Variants in CSMD1 observed in about 807,000 individuals in gnomAD.
The protein encoded by CSMD1 is CUB and sushi domain-containing protein 1.
Under a neutral mutation model 417.5 loss-of-function variants are expected in CSMD1, and 213 were observed. The ratio of observed to expected loss-of-function variants is 0.51; its 90% CI spans 0.46 to 0.57. CSMD1 has a LOEUF of 0.57. CSMD1 is among the 20% of genes least tolerant of loss of function. The pLI, the probability that CSMD1 is intolerant of heterozygous loss-of-function variation, is 0.00. For missense variants in CSMD1, 6,923 were observed against 4,529.7 expected (o/e 1.53, Z -15.17); for synonymous variants, 2,862 against 1,736.8 (o/e 1.65, Z -16.11).
chr8:4,808,186 T>C (rs547088485), intron 1 of CSMD1, among the ~76,000 whole-genome samples: 41 of 152,302 alleles, frequency 2.7e-4, no homozygotes, highest in African/African-American at 8.4e-4. Flanking sequence ...GGCAGGCAGA[T>C]TGGTTTCATT....
intron 47 of CSMD1, among the ~76,000 whole-genome samples, chr8:3,095,094 A>G (rs1237599137): frequency 6.6e-6 from 1 of 152,198 alleles, no homozygotes; most frequent in African/African-American, 2.4e-5. Context: ...TTATTGATAA[A>G]TAATTTGCTC....
intron 3 of CSMD1, among the ~76,000 whole-genome samples, chr8:4,177,281 C>G (rs528827096): frequency 2.0e-5 from 3 of 152,204 alleles, no homozygotes; most frequent in African/African-American, 4.8e-5. Context: ...GAAACTCACT[C>G]AAAACCGCTC....
At chr8:4,668,874 A>C (rs1805118571) in intron 1 of CSMD1, among the ~76,000 whole-genome samples, 1 of 151,996 alleles carries the variant, frequency 6.6e-6, no homozygotes, top group African/African-American at 2.4e-5. Flanking sequence ...TTTTCTATTA[A>C]ATTCAGGTTG....
At chr8:3,770,932 T>A (rs1798535071) in intron 5 of CSMD1, among the ~76,000 whole-genome samples, 1 of 152,146 alleles carries the variant, frequency 6.6e-6, no homozygotes. Context: ...GCTTGGTGAA[T>A]CTCCGAATTC....
At chr8:3,864,697 G>C (rs1243774465) in intron 5 of CSMD1, among the ~76,000 whole-genome samples, 1 of 151,936 alleles carries the variant, frequency 6.6e-6, no homozygotes, top group Non-Finnish European at 1.5e-5. Context: ...GTGCCCTACT[G>C]GGAGGTTGGA....
At chr8:4,428,292 G>C (rs1797680039) in intron 2 of CSMD1, among the ~76,000 whole-genome samples, 1 of 152,172 alleles carries the variant, frequency 6.6e-6, no homozygotes, top group Non-Finnish European at 1.5e-5. Context: ...CTTGTACCAA[G>C]ACAACTACTT....
chr8:3,201,458 T>C (rs940803704), intron 32 of CSMD1, among the ~76,000 whole-genome samples, 154 bp downstream of exon 32: 1 of 152,198 alleles, frequency 6.6e-6, no homozygotes, highest in Non-Finnish European at 1.5e-5. Context: ...TTTGAGATCT[T>C]ATATCTAAAA....
intron 18 of CSMD1, among the ~76,000 whole-genome samples, chr8:3,375,771 C>G (rs1233721764): frequency 6.6e-6 from 1 of 152,142 alleles, no homozygotes; most frequent in Non-Finnish European, 1.5e-5. Flanking sequence ...GACACTGCAG[C>G]ATGAATCTCT....
intron 12 of CSMD1, among the ~76,000 whole-genome samples, chr8:3,444,151 T>C (rs115139552): frequency 3.2e-4 from 49 of 152,292 alleles, no homozygotes; most frequent in African/African-American, 9.6e-4. Context: ...CAGTGATTAA[T>C]ATTGTAAGTG....
intron 1 of CSMD1, among the ~76,000 whole-genome samples, chr8:4,842,609 G>T (rs932643343): frequency 2.0e-5 from 3 of 152,182 alleles, no homozygotes; most frequent in African/African-American, 7.2e-5. Context: ...AGGGAACCCG[G>T]GTGCCTATGT....
At chr8:3,903,149 G>C (rs1807872778) in intron 5 of CSMD1, among the ~76,000 whole-genome samples, 1 of 152,094 alleles carries the variant, frequency 6.6e-6, no homozygotes, top group South Asian at 2.1e-4. Context: ...ACCTGTATGA[G>C]CTCTGCATTC....
At chr8:4,025,173 T>C (rs1796998568) in intron 4 of CSMD1, among the ~76,000 whole-genome samples, 1 of 152,218 alleles carries the variant, frequency 6.6e-6, no homozygotes, top group Non-Finnish European at 1.5e-5. Flanking sequence ...TGTGAAGAAA[T>C]GCACCCCCTC....
At chr8:4,947,361 C>G (rs916947302) in intron 1 of CSMD1, among the ~76,000 whole-genome samples, 1 of 152,112 alleles carries the variant, frequency 6.6e-6, no homozygotes. Context: ...ACCAAATTCT[C>G]AGCACTAATT....
chr8:4,788,799 T>A (rs1182726047), intron 1 of CSMD1, among the ~76,000 whole-genome samples: 1 of 152,164 alleles, frequency 6.6e-6, no homozygotes, highest in Non-Finnish European at 1.5e-5. Flanking sequence ...TAACTTAACA[T>A]GACATCTGCT....
rs1554430766 is a variant in CSMD1 at position 3,772,337 on chromosome 8, A to ATACATATG, written c.819-18296_819-18295insCATATGTA. On this transcript the variant is annotated intron_variant, in intron 5 of 69. Transcript: ENST00000635120. ...CATACATATGTACATATATTTAGACATACATATATACATATATTTATATAT... is the reference window on the plus strand; with the variant it reads ...CATACATATGTACATATATTTAGACATACATATGTACATATATACATATATTTATATAT... Among the ~76,000 whole-genome samples the ATACATATG allele has an allele frequency of 5.7e-5, 5 of 88,072 alleles. 1 individual carries two copies. The highest frequency in any genetic ancestry group is 6.7e-4 in the South Asian group (2 of 2,988). 57.8% of individuals were successfully genotyped at this position (88,072 alleles called of 152,430 possible).
chr8:4,085,526 C>G lies in CSMD1; in HGVS notation c.416-53427G>C, dbSNP rs1337600891. On this transcript the variant is annotated intron_variant, in intron 3 of 69. Coordinates refer to ENST00000635120, the MANE Select transcript of CSMD1 (RefSeq NM_033225.6). ...TTTCCTAATATAAATTTTATCCTAT[C>G]CGTTCTTTGTAACCCTAATAAGCTG... Among the ~76,000 whole-genome samples the G allele has an allele frequency of 3.9e-5, 6 of 152,234 alleles. No homozygotes were observed. The East Asian group carries it at 5.8e-4, about 15-fold the overall frequency.
intron 3 of CSMD1, among the ~76,000 whole-genome samples, chr8:4,053,792 G>C (rs916640160): frequency 6.6e-6 from 1 of 152,026 alleles, no homozygotes; most frequent in Non-Finnish European, 1.5e-5. Flanking sequence ...GAATAAACCA[G>C]TATGTTTAAA....
intron 10 of CSMD1, among the ~76,000 whole-genome samples, chr8:3,505,905 G>T (rs1796803614): frequency 6.6e-6 from 1 of 152,178 alleles, no homozygotes; most frequent in South Asian, 2.1e-4. Context: ...GTTACTTAAG[G>T]AGGTTCTTTA....
chr8:3,205,151 TAC>T (rs1314819817), intron 31 of CSMD1, among the ~76,000 whole-genome samples: 2 of 152,210 alleles, frequency 1.3e-5, no homozygotes, highest in Non-Finnish European at 2.9e-5. Flanking sequence ...CACAGACATA[TAC>T]ACAGAGTTCT....
Sources: gnomAD v4.1 joint callset for allele counts (sites outside exome capture counted in the v4.1 genomes callset) on GRCh38, gnomAD v4.1.1 for gene constraint, MANE v1.5 for transcripts, NCBI Gene and HGNC (gene_info 2026-07-23, HGNC 2026-07-21) for gene names.